Variants in TEK observed in about 807,000 individuals in gnomAD.
TEK encodes the protein angiopoietin-1 receptor.
Under a neutral mutation model 131.8 loss-of-function variants are expected in TEK, and 43 were observed. The observed-to-expected ratio is 0.33, with a 90% CI of 0.26 to 0.42. The LOEUF is 0.42. Ranked by LOEUF, TEK falls within the 10% of genes least tolerant of loss-of-function variation. The pLI, the probability that TEK is intolerant of heterozygous loss-of-function variation, is 1.00. For synonymous variants in TEK, 580 were observed against 491.6 expected (o/e 1.18, Z -2.38); for missense variants, 1,162 against 1,384.4 (o/e 0.84, Z 2.55).
chr9:27,119,638 C>T lies in TEK; in HGVS notation c.52+9996C>T, dbSNP rs370743073. Among the ~76,000 whole-genome samples the T allele has an allele frequency of 2.1e-4, 32 of 151,980 alleles. 1 individual carries two copies. In the East Asian group the frequency reaches 5.8e-3, roughly 28 times the overall value. ...TGGAGAGTCGGGTGGGGAGATTCCT[C>T]TCTGTTGCTCAACGAGCTGGCAACA... is the stretch of plus-strand genomic sequence containing the variant. On this transcript the variant is annotated intron_variant, in intron 1 of 22. Coordinates refer to ENST00000380036, the MANE Select transcript of TEK (RefSeq NM_000459.5).
chr9:27,137,008 C>T (rs1053987887), intron 1 of TEK, among the ~76,000 whole-genome samples: 5 of 152,126 alleles, frequency 3.3e-5, no homozygotes, highest in Non-Finnish European at 5.9e-5. Flanking sequence ...CTCTGCCTCC[C>T]GGGTTCAAGC....
At chr9:27,138,560 G>T (rs1243073674) in intron 1 of TEK, among the ~76,000 whole-genome samples, 2 of 152,172 alleles carry the variant, frequency 1.3e-5, no homozygotes, top group Non-Finnish European at 2.9e-5. Flanking sequence ...AGGAAGTCCA[G>T]CTGGCTTCAC....
chr9:27,130,626 C>CTTTTT (rs571794271), intron 1 of TEK, among the ~76,000 whole-genome samples: 6 of 121,844 alleles, frequency 4.9e-5, no homozygotes, highest in African/African-American at 6.2e-5. Context: ...GATTAAAGTA[C>CTTTTT]TTTTTTTTTT....
chr9:27,218,632 C>A, intron 19 of TEK, 145 bp from the exon 20 acceptor site: 1 of 794,244 alleles, frequency 1.3e-6, no homozygotes, highest in South Asian at 1.4e-5. Flanking sequence ...GAGAAACCTA[C>A]ACTGTGTGCA....
chr9:27,178,577 A>G (rs970061671), intron 6 of TEK, among the ~76,000 whole-genome samples: 1 of 152,198 alleles, frequency 6.6e-6, no homozygotes, highest in East Asian at 1.9e-4. Flanking sequence ...TAAAGACTGC[A>G]TTTTAGCTGG....
intron 16 of TEK, among the ~76,000 whole-genome samples, chr9:27,210,966 C>T (rs765871100): frequency 6.6e-6 from 1 of 151,770 alleles, no homozygotes; most frequent in Non-Finnish European, 1.5e-5. Context: ...ACTAAAAATA[C>T]AAAAAATTAA....
intron 1 of TEK, among the ~76,000 whole-genome samples, chr9:27,137,145 T>C (rs1201277310): frequency 6.6e-6 from 1 of 152,014 alleles, no homozygotes; most frequent in Admixed American, 6.6e-5. Flanking sequence ...GTCGATCTCT[T>C]AACCTCAGTT....
intron 6 of TEK, 152 bp downstream of exon 6, chr9:27,173,514 A>T (rs1304420463): frequency 3.2e-6 from 3 of 937,574 alleles, no homozygotes; most frequent in Non-Finnish European, 5.1e-6. Flanking sequence ...GTTTACATCC[A>T]ATGTTAATTA....
chr9:27,225,187 G>A (rs548717288), intron 21 of TEK, among the ~76,000 whole-genome samples: 2 of 152,242 alleles, frequency 1.3e-5, no homozygotes, highest in South Asian at 4.1e-4. Flanking sequence ...ACTGCCCAGT[G>A]TTATCCCCAT....
chr9:27,141,008 C>A (rs1822703525), intron 1 of TEK, among the ~76,000 whole-genome samples: 1 of 151,788 alleles, frequency 6.6e-6, no homozygotes, highest in African/African-American at 2.4e-5. Flanking sequence ...AGTTCTCTGC[C>A]TATCTCTGTT....
In TEK at chr9:27,123,052, C is replaced by CAAAAAAAAAAAA. The variant is rs10700803; in HGVS notation, c.52+13425_52+13436dup. Among the ~76,000 whole-genome samples the CAAAAAAAAAAAA allele has an allele frequency of 6.8e-3, 237 of 34,708 alleles. 52 individuals are homozygous for CAAAAAAAAAAAA. The highest frequency in any genetic ancestry group is 0.016 in the African/African-American group (114 of 7,014). 22.8% of individuals were successfully genotyped at this position (34,708 alleles called of 152,430 possible). A position where few individuals can be genotyped will look rare whatever the true frequency, so the allele number is the denominator to read the frequency against. The stretch of plus-strand genomic sequence containing the variant: ...TGGGTGACAGAGCGAGACTCTGTCT[C>CAAAAAAAAAAAA]AAAAAAAAAAAAAAAAAAAAAAAAA... On this transcript the variant is annotated intron_variant, in intron 1 of 22. Transcript: ENST00000380036.
At chr9:27,176,461 A>G (rs961033019) in intron 6 of TEK, among the ~76,000 whole-genome samples, 1 of 152,230 alleles carries the variant, frequency 6.6e-6, no homozygotes, top group Non-Finnish European at 1.5e-5. Flanking sequence ...TTCAGTAGTC[A>G]GATTTCCTTT....
At chr9:27,202,774 C>T in intron 12 of TEK, 46 bp from the exon 13 acceptor site, 1 of 1,578,538 alleles carries the variant, frequency 6.3e-7, no homozygotes, top group Non-Finnish European at 8.7e-7. Context: ...TGATCTAGGC[C>T]ATGGTAGTAT....
chr9:27,179,708 T>C (rs1824291124), intron 6 of TEK, among the ~76,000 whole-genome samples: 1 of 152,148 alleles, frequency 6.6e-6, no homozygotes, highest in Non-Finnish European at 1.5e-5. Flanking sequence ...TGAGCATGCA[T>C]GGATCAAGGA....
At chr9:27,146,743 CG>C (rs1168187401) in intron 1 of TEK, among the ~76,000 whole-genome samples, 2 of 80,732 alleles carry the variant, frequency 2.5e-5, no homozygotes, top group African/African-American at 5.7e-5. Context: ...TTTTTTTTGG[CG>C]GGGGGGACGG....
At chr9:27,127,890 G>T (rs1230786079) in intron 1 of TEK, among the ~76,000 whole-genome samples, 2 of 152,170 alleles carry the variant, frequency 1.3e-5, no homozygotes, top group African/African-American at 4.8e-5. Flanking sequence ...CTTGTCAGAA[G>T]GATAGATTGC....
chr9:27,208,748 G>A (rs1282271433), intron 15 of TEK, among the ~76,000 whole-genome samples: 2 of 152,202 alleles, frequency 1.3e-5, no homozygotes, highest in Non-Finnish European at 2.9e-5. Context: ...CCTCTACCAA[G>A]TCATTTACCT....
chr9:27,192,382 G>T (rs533491728), intron 10 of TEK, 107 bp from the exon 11 acceptor site: 4 of 1,275,118 alleles, frequency 3.1e-6, no homozygotes. Context: ...TCACTAAGAC[G>T]TAGTTTTGAA....
At chr9:27,207,590 G>C (rs1015756846) in intron 15 of TEK, among the ~76,000 whole-genome samples, 3 of 152,168 alleles carry the variant, frequency 2.0e-5, no homozygotes, top group African/African-American at 7.2e-5. Context: ...CTTCTCTTCT[G>C]CATGAAAGAG....
Sources: gnomAD v4.1 joint callset for allele counts (sites outside exome capture counted in the v4.1 genomes callset) on GRCh38, gnomAD v4.1.1 for gene constraint, MANE v1.5 for transcripts, NCBI Gene and HGNC (gene_info 2026-07-23, HGNC 2026-07-21) for gene names.